The following MARK2 variants were observed in gnomAD, a reference collection of about 807,000 sequenced individuals.
MARK2 encodes the protein microtubule affinity regulating kinase 2, also known as serine/threonine-protein kinase MARK2.
A neutral mutation model predicts 89.8 loss-of-function variants in MARK2; 16 were observed. That is an observed-to-expected ratio of 0.18 (90% CI 0.12 to 0.27). MARK2 has a LOEUF of 0.27. Among genes scored for constraint, MARK2 ranks in the 10% least tolerant of loss-of-function variants. MARK2 has a pLI of 1.00. For missense variants in MARK2, 621 were observed against 1,049.9 expected, an observed-to-expected ratio of 0.59 and a Z score of 5.65; for synonymous variants, 382 against 399.5, an observed-to-expected ratio of 0.96 and a Z score of 0.52.
At chr11:63,861,920 C>CTTTTTTTTTTTT in intron 1 of MARK2, among the ~76,000 whole-genome samples, 1 of 110,108 alleles carries the variant, frequency 9.1e-6, no homozygotes, top group Non-Finnish European at 1.9e-5. Context: ...TTCTTTCTTT[C>CTTTTTTTTTTTT]TTTCTTTTTT....
At position 63,839,554 on chromosome 11, in the gene MARK2, G is replaced by A. The variant is rs371242678; in HGVS notation, c.48G>A (p.Thr16=). The change falls in exon 1 of 19, where the codon ACG becomes ACA. Residue 16 remains threonine, a synonymous_variant. Transcript: ENST00000402010. ...TACCCACGCTGAACGAGAGGGACAC[G>A]GAGCAGGTAAGGAGCCCCGAGGGCT... ...TPLPTLNERD[T]EQPTLGHLDS... 1.2e-4 allele frequency: 183 copies of A among 1,534,268 alleles called. 1 individual carries two copies. Among genetic ancestry groups the A allele is most frequent in the Non-Finnish European group, 3.0e-5 (34 of 1,139,112 alleles).
At chr11:63,866,625 G>A (rs1370768269) in intron 1 of MARK2, among the ~76,000 whole-genome samples, 2 of 152,144 alleles carry the variant, frequency 1.3e-5, no homozygotes, top group African/African-American at 4.8e-5. Flanking sequence ...CATCATTTCC[G>A]AGAGGCTTGT....
chr11:63,904,204 G>T lies in MARK2; in HGVS notation c.1676+57G>T. On this transcript the variant is annotated intron_variant, in intron 15 of 18. Transcript: ENST00000402010. The surrounding 1 kb of genome is among the most constrained non-coding windows in gnomAD (Gnocchi z 6.3). ...TGCCCTCAGCCCACCCTACCCCCTTGCCCCAACAATTTCTTCTTCCCACTT... is the reference window on the plus strand; with the variant it reads ...TGCCCTCAGCCCACCCTACCCCCTTTCCCCAACAATTTCTTCTTCCCACTT... 3.5e-6 allele frequency: 5 copies of T among 1,428,030 alleles called. No homozygotes were observed. Among genetic ancestry groups the T allele is most frequent in the Non-Finnish European group, 4.6e-6 (5 of 1,080,852 alleles). The allele number at this position is 1,428,030 out of a possible 1,614,324, so 88.5% of individuals were successfully genotyped here.
intron 1 of MARK2, among the ~76,000 whole-genome samples, chr11:63,892,771 G>A (rs555299400): frequency 7.9e-5 from 11 of 139,608 alleles, no homozygotes; most frequent in African/African-American, 2.9e-4. Flanking sequence ...CTATCACCCA[G>A]GCTGGAGTAC....
chr11:63,869,761 C>T lies in MARK2; in HGVS notation c.55-25398C>T, dbSNP rs79530628. On this transcript the variant is annotated intron_variant, in intron 1 of 18. Transcript: ENST00000402010. ...AGGCATGTTAGGTGAGGTTTACTTC[C>T]GGAGCCAGACTTTTAGGCAGGTTGT... Among the ~76,000 whole-genome samples, 56 of 152,212 alleles carry T rather than the reference C, an allele frequency of 3.7e-4. No homozygotes were observed. In the East Asian group the frequency reaches 9.9e-3, roughly 27 times the overall value.
chr11:63,904,264 A>G lies in MARK2; in HGVS notation c.1676+117A>G. 1.1e-6 allele frequency: 1 copy of G among 912,116 alleles called. No homozygotes were observed. Among genetic ancestry groups the G allele is most frequent in the Non-Finnish European group, 1.6e-6 (1 of 624,052 alleles). The allele number at this position is 912,116 out of a possible 1,614,324, so 56.5% of individuals were successfully genotyped here. A position where few individuals can be genotyped will look rare whatever the true frequency, so the allele number is the denominator to read the frequency against. ...GCTGTGTTCTTGTCATCTTAGCCAC[A>G]AGAAATGGGTCTGTCCCCTGCGGCC... On this transcript the variant is annotated intron_variant, in intron 15 of 18. Transcript: ENST00000402010. The surrounding 1 kb of genome is among the most constrained non-coding windows in gnomAD (Gnocchi z 6.3).
At position 63,879,583 on chromosome 11, in the gene MARK2, A is replaced by G. The variant is rs1445408807; in HGVS notation, c.55-15576A>G. Among the ~76,000 whole-genome samples, 3 of 151,648 alleles carry G rather than the reference A, an allele frequency of 2.0e-5. No individual in the cohort carries two copies. In the East Asian group the frequency reaches 5.9e-4, roughly 30 times the overall value. ...GTGCCCTCTCCTGCTTGGTTTTTTAATGATCTGCTACAGGAGAAAGATAGC... is the reference window on the plus strand; with the variant it reads ...GTGCCCTCTCCTGCTTGGTTTTTTAGTGATCTGCTACAGGAGAAAGATAGC... On this transcript the variant is annotated intron_variant, in intron 1 of 18. Coordinates refer to ENST00000402010, the MANE Select transcript of MARK2 (RefSeq NM_001039469.3).
intron 1 of MARK2, among the ~76,000 whole-genome samples, chr11:63,871,257 C>T (rs1285426514): frequency 4.6e-5 from 7 of 152,242 alleles, no homozygotes; most frequent in African/African-American, 1.7e-4. Flanking sequence ...CGCCATGTGC[C>T]ATCTTCTGGA....
intron 3 of MARK2, 59 bp from the exon 4 acceptor site, chr11:63,898,173 T>G: frequency 2.7e-6 from 4 of 1,465,754 alleles, no homozygotes; most frequent in Non-Finnish European, 3.8e-6. Flanking sequence ...AGGGACTGTT[T>G]GGAGAGACCT....
At chr11:63,857,262 G>A (rs796352589) in intron 1 of MARK2, among the ~76,000 whole-genome samples, 4 of 152,292 alleles carry the variant, frequency 2.6e-5, no homozygotes, top group African/African-American at 9.6e-5. Flanking sequence ...CACCTCCCAG[G>A]TTCAAGCAGT....
chr11:63,895,561 C>CT lies in MARK2; in HGVS notation c.235-14dup. ...GCTGGTCAGAGAAGTGATTTGGGGC[C>CT]TTTTTGTCTCATCCTCAGGTAGCTG... On this transcript the variant is annotated intron_variant, in intron 2 of 18. Coordinates refer to ENST00000402010, the MANE Select transcript of MARK2 (RefSeq NM_001039469.3). 1 of 1,612,190 alleles carries CT rather than the reference C, an allele frequency of 6.2e-7. No homozygotes were observed.
intron 1 of MARK2, among the ~76,000 whole-genome samples, chr11:63,854,760 G>A (rs774675023): frequency 1.7e-4 from 25 of 148,160 alleles, no homozygotes; most frequent in African/African-American, 3.3e-4. Flanking sequence ...GCAGTGAGCC[G>A]AGATCGCACC....
At chr11:63,889,343 C>T (rs1364131335) in intron 1 of MARK2, among the ~76,000 whole-genome samples, 2 of 152,250 alleles carry the variant, frequency 1.3e-5, no homozygotes, top group African/African-American at 4.8e-5. Context: ...GCTTACTCTG[C>T]TTCTGGCCAG....
At chr11:63,851,137 C>T (rs554080676) in intron 1 of MARK2, among the ~76,000 whole-genome samples, 2 of 152,350 alleles carry the variant, frequency 1.3e-5, no homozygotes, top group Admixed American at 1.3e-4. Flanking sequence ...GGCATTTCTG[C>T]TCCTGGGAAT....
At chr11:63,879,034 G>A (rs1190743847) in intron 1 of MARK2, among the ~76,000 whole-genome samples, 3 of 152,162 alleles carry the variant, frequency 2.0e-5, no homozygotes, top group African/African-American at 4.8e-5. Context: ...GCTGGGCACG[G>A]TGACTCACGC....
chr11:63,905,073 G>A, intron 16 of MARK2, 30 bp downstream of exon 16: 3 of 1,584,560 alleles, frequency 1.9e-6, no homozygotes, highest in Non-Finnish European at 2.6e-6. Flanking sequence ...TGGCAGAGAG[G>A]CTCAGGCCAG....
At chr11:63,863,948 T>TTTTA (rs1325028095) in intron 1 of MARK2, among the ~76,000 whole-genome samples, 3 of 151,778 alleles carry the variant, frequency 2.0e-5, no homozygotes, top group African/African-American at 4.8e-5. Flanking sequence ...ATTTTTTTAT[T>TTTTA]TTTATTTATT....
chr11:63,892,659 G>A (rs1343698247), intron 1 of MARK2, among the ~76,000 whole-genome samples: 2 of 151,378 alleles, frequency 1.3e-5, no homozygotes, highest in East Asian at 1.9e-4. Flanking sequence ...ATGCTGGAGC[G>A]ATCGCTCCAG....
chr11:63,839,994 C>T (rs542798196), intron 1 of MARK2, among the ~76,000 whole-genome samples: 9 of 152,318 alleles, frequency 5.9e-5, no homozygotes, highest in Non-Finnish European at 1.3e-4. Context: ...TTCCCCTCCG[C>T]CCGCACCGGT....
Sources: allele counts gnomAD v4.1 joint callset (sites outside exome capture counted in the v4.1 genomes callset), GRCh38; gene constraint gnomAD v4.1.1; non-coding constraint Gnocchi (gnomAD v3.1); transcripts MANE v1.5; gene names NCBI Gene and HGNC (gene_info 2026-07-23, HGNC 2026-07-21).